The following MED12L variants were observed in gnomAD, a reference collection of about 807,000 sequenced individuals.
MED12L encodes mediator complex subunit 12L.
Under a neutral mutation model 281.3 loss-of-function variants are expected in MED12L, and 60 were observed. That is an observed-to-expected ratio of 0.21 (90% CI 0.17 to 0.26). MED12L has a LOEUF of 0.26. MED12L is among the 10% of genes least tolerant of loss of function. The probability of loss-of-function intolerance (pLI) is 1.00; values close to 1 mark genes in which losing one functional copy is unlikely to be tolerated. For synonymous variants in MED12L, 974 were observed against 987.2 expected (o/e 0.99, Z 0.25); for missense variants, 2,146 against 2,680.9 (o/e 0.80, Z 4.41).
At chr3:151,131,335 T>C (rs1426593016) in intron 5 of MED12L, among the ~76,000 whole-genome samples, 1 of 152,206 alleles carries the variant, frequency 6.6e-6, no homozygotes, top group African/African-American at 2.4e-5. Flanking sequence ...GCATGGTGGC[T>C]CATGCCTATA....
intron 19 of MED12L, 24 bp from the exon 20 acceptor site, chr3:151,357,185 GTTTA>G (rs754699685): frequency 6.5e-7 from 1 of 1,548,494 alleles, no homozygotes; most frequent in South Asian, 1.2e-5. Context: ...GCACCTACAT[GTTTA>G]TTCAGTCTTT....
At chr3:151,257,690 C>T (rs1738084701) in intron 16 of MED12L, among the ~76,000 whole-genome samples, 2 of 152,206 alleles carry the variant, frequency 1.3e-5, no homozygotes, top group African/African-American at 4.8e-5. Flanking sequence ...ATACCATCTT[C>T]AAGAGATGAT....
At chr3:151,174,426 C>T (rs1457482183) in intron 11 of MED12L, among the ~76,000 whole-genome samples, 2 of 152,060 alleles carry the variant, frequency 1.3e-5, no homozygotes, top group Admixed American at 1.3e-4. Flanking sequence ...AAATGACAAA[C>T]CTAAGTAAAA....
Position 151,211,251 on chromosome 3 carries a change from A to C in MED12L, c.2250+17585A>C, listed in dbSNP as rs529084367. Among the ~76,000 whole-genome samples the C allele has an allele frequency of 7.2e-5, 11 of 152,238 alleles. No individual in the cohort carries two copies. The East Asian group carries it at 2.1e-3, about 29-fold the overall frequency. ...ACAAAGGCATTTCTTGGTGCTACTC[A>C]TCTTCTCTTTTTCACTTTCACTTTT... On this transcript the variant is annotated intron_variant, in intron 16 of 44. Transcript: ENST00000687756.
chr3:151,390,241 G>A (rs1038300698), intron 38 of MED12L, 106 bp downstream of exon 38: 2 of 1,033,538 alleles, frequency 1.9e-6, no homozygotes, highest in East Asian at 4.8e-5. Flanking sequence ...CAACCACTGA[G>A]TGCTCAGTTG....
At chr3:151,389,091 A>G (rs983636587) in intron 37 of MED12L, among the ~76,000 whole-genome samples, 1 of 152,202 alleles carries the variant, frequency 6.6e-6, no homozygotes, top group African/African-American at 2.4e-5. Context: ...TTAGGATGCC[A>G]CTTGAGCATC....
At chr3:151,408,978 TGCTGA>T (rs1476427108) in intron 39 of MED12L, among the ~76,000 whole-genome samples, 13 of 152,262 alleles carry the variant, frequency 8.5e-5, no homozygotes, top group African/African-American at 2.9e-4. Flanking sequence ...ACAGCCTCTC[TGCTGA>T]GCAGACCATT....
intron 11 of MED12L, among the ~76,000 whole-genome samples, chr3:151,167,757 T>TC (rs1296330864): frequency 6.6e-6 from 1 of 152,238 alleles, no homozygotes; most frequent in Non-Finnish European, 1.5e-5. Context: ...TGCTACGTGC[T>TC]CTTTTTGGGT....
At chr3:151,294,057 C>A (rs1420121723) in intron 16 of MED12L, 1 of 724,256 alleles carries the variant, frequency 1.4e-6, no homozygotes, top group Admixed American at 2.5e-5. Context: ...GACCCCATTT[C>A]ATATCATTTT....
intron 16 of MED12L, among the ~76,000 whole-genome samples, chr3:151,297,610 G>A (rs1348811860): frequency 3.9e-5 from 6 of 152,124 alleles, no homozygotes; most frequent in Admixed American, 3.9e-4. Context: ...ATACTTGGCA[G>A]GGAATATTTC....
intron 16 of MED12L, among the ~76,000 whole-genome samples, chr3:151,203,984 A>G (rs1726016469): frequency 6.6e-6 from 1 of 152,236 alleles, no homozygotes; most frequent in South Asian, 2.1e-4. Flanking sequence ...GGAACCCTAC[A>G]GTGTGTATTT....
Position 151,433,311 on chromosome 3 carries a change from G to T in MED12L, c.*507G>T, listed in dbSNP as rs1719740102. On this transcript the variant is annotated 3_prime_UTR_variant, in exon 45 of 45. Coordinates refer to ENST00000687756, the MANE Select transcript of MED12L (RefSeq NM_001393769.1). ...GTGATGGTGAAACGGACATTTATTT[G>T]CATCGCTCTAATTTGAAATGTTTGT... 6.5e-6 allele frequency: 1 copy of T among 152,758 alleles called. No homozygotes were observed. The highest frequency in any genetic ancestry group is 6.5e-5 in the Admixed American group (1 of 15,274). The allele number at this position is 152,758 out of a possible 1,614,324, so 9.5% of individuals were successfully genotyped here.
chr3:151,406,954 C>T (rs1414741196), intron 39 of MED12L, among the ~76,000 whole-genome samples: 1 of 152,060 alleles, frequency 6.6e-6, no homozygotes, highest in African/African-American at 2.4e-5. Context: ...CACGTGTCAG[C>T]ACATCCAGCT....
chr3:151,365,748 A>T, intron 22 of MED12L, 102 bp from the exon 23 acceptor site: 2 of 1,058,934 alleles, frequency 1.9e-6, no homozygotes, highest in Non-Finnish European at 2.7e-6. Context: ...TAAGAAAATG[A>T]CTTGTTTGAT....
At chr3:151,377,901 G>A (rs372555916) in intron 30 of MED12L, 111 bp from the exon 31 acceptor site, 1 of 1,061,194 alleles carries the variant, frequency 9.4e-7, no homozygotes, top group Non-Finnish European at 1.3e-6. Flanking sequence ...GGAAATTTTA[G>A]AACAGTCTGT....
chr3:151,387,338 C>A lies in MED12L; in HGVS notation c.5089-472C>A, dbSNP rs188016044. ...TAAGTACAGGGCCCACATATTGAAC[C>A]AAGTTCATGCAGATTTGGATTGAAG... is the stretch of plus-strand genomic sequence containing the variant. On this transcript the variant is annotated intron_variant, in intron 36 of 44. Transcript: ENST00000687756. Among the ~76,000 whole-genome samples, 482 of 152,108 alleles carry A rather than the reference C, an allele frequency of 3.2e-3. 3 individuals are homozygous for A. The highest frequency in any genetic ancestry group is 0.011 in the African/African-American group (470 of 41,516).
chr3:151,300,797 G>T (rs1188935386), intron 16 of MED12L, among the ~76,000 whole-genome samples: 2 of 152,178 alleles, frequency 1.3e-5, no homozygotes, highest in Non-Finnish European at 2.9e-5. Context: ...CCCTGCATAT[G>T]TGCTGAGATA....
intron 16 of MED12L, among the ~76,000 whole-genome samples, chr3:151,261,213 G>T (rs1345064834): frequency 2.6e-5 from 4 of 151,986 alleles, no homozygotes; most frequent in African/African-American, 9.7e-5. Flanking sequence ...GATTAGAGAG[G>T]TATTTTGCAT....
intron 16 of MED12L, among the ~76,000 whole-genome samples, chr3:151,263,767 C>A (rs1739333579): frequency 6.6e-6 from 1 of 152,180 alleles, no homozygotes; most frequent in Non-Finnish European, 1.5e-5. Flanking sequence ...CGTACCACCC[C>A]CCCCACTTAT....
Sources: gnomAD v4.1 joint callset for allele counts (sites outside exome capture counted in the v4.1 genomes callset) on GRCh38, gnomAD v4.1.1 for gene constraint, MANE v1.5 for transcripts, NCBI Gene and HGNC (gene_info 2026-07-23, HGNC 2026-07-21) for gene names.